XKR4: variants seen among roughly 807,000 people sequenced by gnomAD.
XKR4 encodes XK related 4.
XKR4 carries 12 observed loss-of-function variants against 53.9 expected under a neutral mutation model. That is an observed-to-expected ratio of 0.22 (90% CI 0.14 to 0.36). The LOEUF is 0.36. Ranked by LOEUF, XKR4 falls within the 10% of genes least tolerant of loss-of-function variation. The probability of loss-of-function intolerance (pLI) is 1.00; values close to 1 mark genes in which losing one functional copy is unlikely to be tolerated. For synonymous variants in XKR4, 354 were observed against 362.4 expected (o/e 0.98, Z 0.26); for missense variants, 799 against 859.5 (o/e 0.93, Z 0.88).
intron 2 of XKR4, among the ~76,000 whole-genome samples, chr8:55,380,995 G>C (rs1383032097): frequency 6.6e-6 from 1 of 152,096 alleles, no homozygotes; most frequent in Non-Finnish European, 1.5e-5. Context: ...TAATATTTAG[G>C]TAACAGTTTT....
intron 1 of XKR4, among the ~76,000 whole-genome samples, chr8:55,278,940 G>A (rs1370575006): frequency 6.6e-6 from 1 of 152,060 alleles, no homozygotes; most frequent in South Asian, 2.1e-4. Flanking sequence ...GCAACATGAA[G>A]AGAAGCAAAA....
chr8:55,375,752 T>C (rs1804135946), intron 2 of XKR4, among the ~76,000 whole-genome samples: 1 of 151,848 alleles, frequency 6.6e-6, no homozygotes, highest in South Asian at 2.1e-4. Flanking sequence ...AGTTCCAGGG[T>C]ACACGTGCAG....
chr8:55,491,732 G>A (rs1044787133), intron 2 of XKR4, among the ~76,000 whole-genome samples: 12 of 152,132 alleles, frequency 7.9e-5, no homozygotes, highest in African/African-American at 2.4e-4. Flanking sequence ...CTAGGTTCAA[G>A]TGATCCTCCC....
intron 2 of XKR4, among the ~76,000 whole-genome samples, chr8:55,511,821 GA>G (rs201879877): frequency 1.3e-5 from 2 of 152,036 alleles, no homozygotes; most frequent in Non-Finnish European, 2.9e-5. Flanking sequence ...CTCTAAGGAA[GA>G]AAAAAATATT....
chr8:55,512,751 G>A (rs561588594), intron 2 of XKR4, among the ~76,000 whole-genome samples: 7 of 152,226 alleles, frequency 4.6e-5, no homozygotes, highest in African/African-American at 1.7e-4. Context: ...GCAACCCACA[G>A]GTCACTGGAA....
intron 1 of XKR4, among the ~76,000 whole-genome samples, chr8:55,346,379 C>T (rs947695723): frequency 1.1e-4 from 16 of 152,236 alleles, no homozygotes; most frequent in Admixed American, 1.0e-3. Context: ...AGCCACCACA[C>T]TCAGCCCCGC....
intron 2 of XKR4, among the ~76,000 whole-genome samples, chr8:55,431,928 C>T (rs952027317): frequency 6.6e-6 from 1 of 152,132 alleles, no homozygotes; most frequent in South Asian, 2.1e-4. Context: ...TAATCCAATC[C>T]TGCTCACATA....
intron 2 of XKR4, among the ~76,000 whole-genome samples, chr8:55,458,729 C>G (rs1322277911): frequency 6.6e-6 from 1 of 152,202 alleles, no homozygotes; most frequent in Non-Finnish European, 1.5e-5. Context: ...GTCAAGCTGT[C>G]CCTCTGAAGT....
chr8:55,331,839 G>A (rs1803388109), intron 1 of XKR4, among the ~76,000 whole-genome samples: 1 of 152,010 alleles, frequency 6.6e-6, no homozygotes, highest in Non-Finnish European at 1.5e-5. Context: ...TTAGATATAA[G>A]ATATGTGTCT....
At chr8:55,254,216 C>T (rs1818403821) in intron 1 of XKR4, among the ~76,000 whole-genome samples, 1 of 151,970 alleles carries the variant, frequency 6.6e-6, no homozygotes, top group Non-Finnish European at 1.5e-5. Context: ...ATAAGGTATG[C>T]TCTTTCTGTT....
Position 55,538,419 on chromosome 8 carries a change from G to A in XKR4, c.*14192G>A, listed in dbSNP as rs12545800. 0.29 allele frequency: 43,468 copies of A among 152,166 alleles called. 6,342 individuals carry two copies. Among genetic ancestry groups the A allele is most frequent in the African/African-American group, 0.32 (13,364 of 41,492 alleles). The allele number at this position is 152,166 out of a possible 1,614,324, so 9.4% of individuals were successfully genotyped here. On this transcript the variant is annotated 3_prime_UTR_variant, in exon 3 of 3. Transcript: ENST00000327381. Reference sequence around the variant, plus strand: ...GTGCAGCACGGAGGAAGTGGAGTCTGAGGAATACAACAGCAACAACTCACC... The same window carrying A: ...GTGCAGCACGGAGGAAGTGGAGTCTAAGGAATACAACAGCAACAACTCACC...
chr8:55,360,898 C>T (rs1033363797), intron 2 of XKR4, among the ~76,000 whole-genome samples: 5 of 152,252 alleles, frequency 3.3e-5, no homozygotes, highest in African/African-American at 1.2e-4. Flanking sequence ...ATGCTGGAGG[C>T]TGACAGGCCC....
At chr8:55,273,124 AG>A (rs1818715443) in intron 1 of XKR4, among the ~76,000 whole-genome samples, 1 of 148,818 alleles carries the variant, frequency 6.7e-6, no homozygotes, top group East Asian at 2.0e-4. Context: ...GAGATAATGT[AG>A]TTTGGAGAAA....
intron 2 of XKR4, among the ~76,000 whole-genome samples, chr8:55,374,384 C>T (rs1804117659): frequency 6.6e-6 from 1 of 152,086 alleles, no homozygotes; most frequent in Admixed American, 6.6e-5. Context: ...AGTGGACACC[C>T]AAAGAGAGAA....
In XKR4 at chr8:55,298,101, T is replaced by C. The variant is rs573307604; in HGVS notation, c.807-59577T>C. On this transcript the variant is annotated intron_variant, in intron 1 of 2. Coordinates refer to ENST00000327381, the MANE Select transcript of XKR4 (RefSeq NM_052898.2). ...TAAAATATTTTATACTGGAAGAATT[T>C]CTACAACACCTTTTAATTTTAGCTC... Among the ~76,000 whole-genome samples the C allele has an allele frequency of 6.4e-4, 97 of 152,316 alleles. 3 individuals carry two copies. The South Asian group carries it at 0.011, about 17-fold the overall frequency.
At chr8:55,236,061 G>T (rs1373537658) in intron 1 of XKR4, among the ~76,000 whole-genome samples, 1 of 152,116 alleles carries the variant, frequency 6.6e-6, no homozygotes, top group Non-Finnish European at 1.5e-5. Context: ...ATCACACCTG[G>T]TTTGCACTGA....
rs184694749 is a variant in XKR4, at chr8:55,467,284, G to A, written c.1007-55997G>A. Reference sequence around the variant, plus strand: ...ACTTGCCTCCAGACTCTTTTTTAAAGAGCTCATTTGGTTAGACCAGCCCCA... The same window carrying A: ...ACTTGCCTCCAGACTCTTTTTTAAAAAGCTCATTTGGTTAGACCAGCCCCA... On this transcript the variant is annotated intron_variant, in intron 2 of 2. Transcript: ENST00000327381. Among the ~76,000 whole-genome samples, 358 of 152,206 alleles carry A rather than the reference G, an allele frequency of 2.4e-3. 7 individuals carry two copies. The highest frequency in any genetic ancestry group is 7.3e-3 in the African/African-American group (303 of 41,480).
At chr8:55,394,461 T>A (rs1458249593) in intron 2 of XKR4, among the ~76,000 whole-genome samples, 1 of 152,240 alleles carries the variant, frequency 6.6e-6, no homozygotes, top group Non-Finnish European at 1.5e-5. Flanking sequence ...CTAAGCATTA[T>A]GAAAATACAT....
intron 2 of XKR4, among the ~76,000 whole-genome samples, chr8:55,429,766 A>G (rs999356256): frequency 1.1e-4 from 17 of 152,148 alleles, no homozygotes; most frequent in African/African-American, 4.1e-4. Flanking sequence ...GAAAGAAAGA[A>G]AAAGAAAAAT....
Sources: allele counts gnomAD v4.1 joint callset (sites outside exome capture counted in the v4.1 genomes callset), GRCh38; gene constraint gnomAD v4.1.1; transcripts MANE v1.5; gene names NCBI Gene and HGNC (gene_info 2026-07-23, HGNC 2026-07-21).